ARHGAP35: variants seen among roughly 807,000 people sequenced by gnomAD.
The protein encoded by ARHGAP35 is rho GTPase-activating protein 35.
In ARHGAP35, 15 loss-of-function variants were observed where a neutral mutation model predicts 111.1. The ratio of observed to expected loss-of-function variants is 0.13; its 90% confidence interval spans 0.09 to 0.21. ARHGAP35 has a LOEUF of 0.21. Among genes scored for constraint, ARHGAP35 ranks in the 10% least tolerant of loss-of-function variants. ARHGAP35 has a pLI of 1.00. For missense variants in ARHGAP35, 1,262 were observed against 1,873.0 expected, an observed-to-expected ratio of 0.67 and a Z score of 6.02; for synonymous variants, 643 against 710.3, an observed-to-expected ratio of 0.91 and a Z score of 1.51.
chr19:46,927,867 C>G (rs576103146), intron 2 of ARHGAP35, among the ~76,000 whole-genome samples: 1 of 152,252 alleles, frequency 6.6e-6, no homozygotes, highest in East Asian at 1.9e-4. Flanking sequence ...TTTCATCATC[C>G]AGTCTGCAGA....
chr19:46,879,170 G>A (rs185348349), intron 1 of ARHGAP35, among the ~76,000 whole-genome samples: 39 of 152,220 alleles, frequency 2.6e-4, no homozygotes, highest in Admixed American at 5.9e-4. Context: ...AAAAATTGCT[G>A]GGCGGGCCAG....
Position 46,994,265 on chromosome 19 carries a change from C to T in ARHGAP35, c.4036+4590C>T, listed in dbSNP as rs1005429860. On this transcript the variant is annotated intron_variant, in intron 5 of 6. Coordinates refer to ENST00000672722, the MANE Select transcript of ARHGAP35 (RefSeq NM_004491.5). The surrounding 1 kb of genome is among the most constrained non-coding windows in gnomAD (Gnocchi z 5.4). ...TCTTTGGCCAGTGTAGACACCTGGC[C>T]GGGCGGGCTACCTATTGAAGCTGGG... Among the ~76,000 whole-genome samples the T allele has an allele frequency of 1.3e-5, 2 of 152,156 alleles. No homozygotes were observed. The highest frequency in any genetic ancestry group is 2.4e-5 in the African/African-American group (1 of 41,440).
chr19:46,890,216 A>G (rs1038934131), intron 1 of ARHGAP35, among the ~76,000 whole-genome samples: 1 of 152,196 alleles, frequency 6.6e-6, no homozygotes, highest in African/African-American at 2.4e-5. Context: ...GGGGTCCTTG[A>G]TGCAAAGAAC....
chr19:46,968,853 A>G lies in ARHGAP35; in HGVS notation c.3827-19136A>G, dbSNP rs557018532. ...TGTAATCCCAGCACTTTGGGAGGCC[A>G]AGGCAGGCAGATCATCTCAGGTCGG... On this transcript the variant is annotated intron_variant, in intron 3 of 6. Coordinates refer to ENST00000672722, the MANE Select transcript of ARHGAP35 (RefSeq NM_004491.5). 6.1e-4 allele frequency among the ~76,000 whole-genome samples: 93 copies of G among 152,268 alleles called. 1 individual carries two copies. Among genetic ancestry groups the G allele is most frequent in the Non-Finnish European group, 1.1e-3 (77 of 68,004 alleles).
intron 3 of ARHGAP35, among the ~76,000 whole-genome samples, chr19:46,984,542 T>A (rs2056638638): frequency 6.6e-6 from 1 of 152,248 alleles, no homozygotes; most frequent in Non-Finnish European, 1.5e-5. Flanking sequence ...AATCTTTTTT[T>A]AATTGATGTC....
At chr19:46,872,477 C>T (rs2055892955) in intron 1 of ARHGAP35, among the ~76,000 whole-genome samples, 1 of 148,268 alleles carries the variant, frequency 6.7e-6, no homozygotes, top group African/African-American at 2.5e-5. Flanking sequence ...TTCTTATAAA[C>T]ATATGAAAGA....
In ARHGAP35 at chr19:46,992,180, C is replaced by T. The variant is rs979833437; in HGVS notation, c.4036+2505C>T. 3.3e-5 allele frequency among the ~76,000 whole-genome samples: 5 copies of T among 152,176 alleles called. No individual in the cohort carries two copies. Among genetic ancestry groups the T allele is most frequent in the Non-Finnish European group, 5.9e-5 (4 of 68,028 alleles). ...CCGGCTCTCCACGAGGCACTTGATT[C>T]CCACCACTGATCTTCCTTTGAGGAA... On this transcript the variant is annotated intron_variant, in intron 5 of 6. Transcript: ENST00000672722. This position sits in a 1 kb window ranked among gnomAD's most constrained non-coding sequence, Gnocchi z 4.4.
chr19:46,968,781 A>G (rs2056528966), intron 3 of ARHGAP35, among the ~76,000 whole-genome samples: 1 of 152,190 alleles, frequency 6.6e-6, no homozygotes, highest in Non-Finnish European at 1.5e-5. Context: ...AGGCTAATCT[A>G]TAAAGATAGA....
intron 1 of ARHGAP35, among the ~76,000 whole-genome samples, chr19:46,867,890 A>T (rs1211170496): frequency 1.3e-5 from 2 of 152,088 alleles, no homozygotes; most frequent in East Asian, 3.9e-4. Flanking sequence ...TTTTTGAGAC[A>T]GAGTCTCGCT....
At chr19:46,868,387 G>A (rs954532941) in intron 1 of ARHGAP35, among the ~76,000 whole-genome samples, 1 of 152,158 alleles carries the variant, frequency 6.6e-6, no homozygotes, top group East Asian at 1.9e-4. Context: ...AACTATATAG[G>A]GTGAAGGGAA....
rs148283364 is a variant in ARHGAP35 at position 47,001,033 on chromosome 19, G to A, written c.*345G>A. 1.8e-4 allele frequency: 254 copies of A among 1,413,532 alleles called. 1 individual carries two copies. In the African/African-American group the frequency reaches 2.9e-3, roughly 16 times the overall value. 87.6% of individuals were successfully genotyped at this position (1,413,532 alleles called of 1,614,324 possible). A position where few individuals can be genotyped will look rare whatever the true frequency, so the allele number is the denominator to read the frequency against. On this transcript the variant is annotated 3_prime_UTR_variant, in exon 7 of 7. Coordinates refer to ENST00000672722, the MANE Select transcript of ARHGAP35 (RefSeq NM_004491.5). This position sits in a 1 kb window ranked among gnomAD's most constrained non-coding sequence, Gnocchi z 5.4. Reference sequence around the variant, plus strand: ...CTCTGCTTGTACAGAGCCCATGGTCGGGACAGTGCCCTGGCCTTTGCCGGG... The same window carrying A: ...CTCTGCTTGTACAGAGCCCATGGTCAGGACAGTGCCCTGGCCTTTGCCGGG...
chr19:46,899,731 A>AC (rs1207470121), intron 1 of ARHGAP35, among the ~76,000 whole-genome samples: 7 of 152,144 alleles, frequency 4.6e-5, no homozygotes, highest in East Asian at 1.9e-4. Context: ...AAAAACAAAA[A>AC]AAAAAAGAAG....
chr19:46,920,089 G>A lies in ARHGAP35; in HGVS notation c.1414G>A (p.Val472Ile). The part of the protein sequence containing the change: ...EDFYQWLEES[V>I]YMDIYGKHQK... The stretch of plus-strand genomic sequence containing the variant: ...TTTCTACCAGTGGCTGGAGGAATCT[G>A]TATACATGGATATTTATGGCAAACA... The change falls in exon 2 of 7, where the codon GTA becomes ATA. Residue 472 changes from valine to isoleucine, a missense_variant. Val to Ile is a conservative substitution (Grantham distance 29). Around this residue, in one of 8 missense-constraint regions of ARHGAP35, gnomAD observed 328 missense variants for 440.8 expected, o/e 0.74. Coordinates refer to ENST00000672722, the MANE Select transcript of ARHGAP35 (RefSeq NM_004491.5). The surrounding 1 kb of genome is among the most constrained non-coding windows in gnomAD (Gnocchi z 7.0). 1 of 1,613,910 alleles carries A rather than the reference G, an allele frequency of 6.2e-7. No homozygotes were observed. Among genetic ancestry groups the A allele is most frequent in the Non-Finnish European group, 8.5e-7 (1 of 1,179,854 alleles).
In ARHGAP35 at chr19:46,899,655, G is replaced by A. The variant is rs539318286; in HGVS notation, c.-188-18833G>A. 2.3e-4 allele frequency among the ~76,000 whole-genome samples: 34 copies of A among 151,040 alleles called. No homozygotes were observed. In the East Asian group the frequency reaches 6.0e-3, roughly 27 times the overall value. On this transcript the variant is annotated intron_variant, in intron 1 of 6. Coordinates refer to ENST00000672722, the MANE Select transcript of ARHGAP35 (RefSeq NM_004491.5). ...GTTGAGGCTGTGGTGAGCCATAATC[G>A]CGCCACTACACTCCAGCCTGGGTGA...
rs1599857726 is a variant in ARHGAP35, at chr19:46,973,353, G to C, written c.3827-14636G>C. The stretch of plus-strand genomic sequence containing the variant: ...CACTCCAGCCTGGATGACAGAGCGA[G>C]ACTCCGTCTCAAAAATAAATACATA... On this transcript the variant is annotated intron_variant, in intron 3 of 6. Transcript: ENST00000672722. 3.3e-5 allele frequency among the ~76,000 whole-genome samples: 5 copies of C among 151,464 alleles called. No homozygotes were observed. In the East Asian group the frequency reaches 9.8e-4, roughly 30 times the overall value.
Position 47,000,706 on chromosome 19 carries a change from C to A in ARHGAP35, c.*18C>A. ...CGCTGTGAGCCACCAAGACCTGGGGCGACAGGAGAACCGGTCCTCTCTCTG... is the reference window on the plus strand; with the variant it reads ...CGCTGTGAGCCACCAAGACCTGGGGAGACAGGAGAACCGGTCCTCTCTCTG... On this transcript the variant is annotated 3_prime_UTR_variant, in exon 7 of 7. Transcript: ENST00000672722. This position sits in a 1 kb window ranked among gnomAD's most constrained non-coding sequence, Gnocchi z 6.9. 2 of 1,550,848 alleles carry A rather than the reference C, an allele frequency of 1.3e-6. No homozygotes were observed. Among genetic ancestry groups the A allele is most frequent in the Non-Finnish European group, 1.7e-6 (2 of 1,147,374 alleles).
chr19:46,922,581 C>G lies in ARHGAP35; in HGVS notation c.3681+225C>G, dbSNP rs1465822324. On this transcript the variant is annotated intron_variant, in intron 2 of 6. Coordinates refer to ENST00000672722, the MANE Select transcript of ARHGAP35 (RefSeq NM_004491.5). This position sits in a 1 kb window ranked among gnomAD's most constrained non-coding sequence, Gnocchi z 4.0. ...TAGTCTGAGTTGTTGTTGCCTAAAACAATAGTTAATTAATTAGCAAAATGA... is the reference window on the plus strand; with the variant it reads ...TAGTCTGAGTTGTTGTTGCCTAAAAGAATAGTTAATTAATTAGCAAAATGA... Among the ~76,000 whole-genome samples, 3 of 152,032 alleles carry G rather than the reference C, an allele frequency of 2.0e-5. No homozygotes were observed. The highest frequency in any genetic ancestry group is 4.4e-5 in the Non-Finnish European group (3 of 68,026).
chr19:46,916,159 C>T (rs1468368204), intron 1 of ARHGAP35, among the ~76,000 whole-genome samples: 1 of 152,090 alleles, frequency 6.6e-6, no homozygotes, highest in African/African-American at 2.4e-5. Flanking sequence ...TGGTCTTGAT[C>T]TCCTGACCTC....
chr19:46,921,986 T>C lies in ARHGAP35; in HGVS notation c.3311T>C (p.Ile1104Thr). 1 of 1,613,980 alleles carries C rather than the reference T, an allele frequency of 6.2e-7. No individual in the cohort carries two copies. Among genetic ancestry groups the C allele is most frequent in the Non-Finnish European group, 8.5e-7 (1 of 1,179,898 alleles). ...AAGCCAAGGAATGAAGAAGAAAACA[T>C]ATACTCCGTGCCCCATGACAGCACC... is the stretch of plus-strand genomic sequence containing the variant. ...VVKPRNEEEN[I>T]YSVPHDSTQG... is the part of the protein sequence containing the mutation. The change falls in exon 2 of 7, where the codon ATA becomes ACA. Residue 1104 changes from isoleucine to threonine, a missense_variant. Coordinates refer to ENST00000672722, the MANE Select transcript of ARHGAP35 (RefSeq NM_004491.5). The surrounding 1 kb of genome is among the most constrained non-coding windows in gnomAD (Gnocchi z 4.3).
Sources: allele counts gnomAD v4.1 joint callset (sites outside exome capture counted in the v4.1 genomes callset), GRCh38; gene constraint gnomAD v4.1.1; regional missense constraint gnomAD v4.1.1; non-coding constraint Gnocchi (gnomAD v3.1); transcripts MANE v1.5; gene names NCBI Gene and HGNC (gene_info 2026-07-23, HGNC 2026-07-21).